The following TNR variants were observed in gnomAD, a reference collection of about 807,000 sequenced individuals.
The protein encoded by TNR is tenascin-R.
A neutral mutation model predicts 150.4 loss-of-function variants in TNR; 45 were observed. That is an observed-to-expected ratio of 0.30 (90% CI 0.24 to 0.38). TNR has a LOEUF of 0.38. TNR is among the 10% of genes least tolerant of loss of function. TNR has a pLI of 1.00. For missense variants in TNR, 1,544 were observed against 1,759.1 expected (o/e 0.88, Z 2.19); for synonymous variants, 687 against 678.4 (o/e 1.01, Z -0.20).
intron 3 of TNR, among the ~76,000 whole-genome samples, chr1:175,405,618 AGTGTGT>A (rs60670165): frequency 0.25 from 37,442 of 150,076 alleles, 6,051 homozygotes; most frequent in African/African-American, 0.46. Flanking sequence ...TGTGTGTGAG[AGTGTGT>A]GTGTGTGTGT....
intron 18 of TNR, among the ~76,000 whole-genome samples, chr1:175,339,117 T>C (rs1217141287): frequency 6.6e-6 from 1 of 152,200 alleles, no homozygotes; most frequent in Non-Finnish European, 1.5e-5. Context: ...GATATACTTA[T>C]TTTACAGAGA....
intron 9 of TNR, among the ~76,000 whole-genome samples, chr1:175,375,485 A>G (rs1652332390): frequency 6.8e-6 from 1 of 147,134 alleles, no homozygotes. Flanking sequence ...ATGGGGGGGG[A>G]GTGTTTGAAT....
intron 1 of TNR, among the ~76,000 whole-genome samples, chr1:175,621,177 G>A (rs1190519751): frequency 1.3e-5 from 2 of 152,144 alleles, no homozygotes; most frequent in Non-Finnish European, 2.9e-5. Context: ...AACATGTATT[G>A]TGACCAACTG....
At chr1:175,687,342 TC>T (rs1409030742) in intron 1 of TNR, among the ~76,000 whole-genome samples, 2 of 152,272 alleles carry the variant, frequency 1.3e-5, no homozygotes, top group African/African-American at 4.8e-5. Context: ...CTAAGACACC[TC>T]TGCTTACTCT....
chr1:175,411,360 T>C (rs1282659410), intron 2 of TNR, among the ~76,000 whole-genome samples: 1 of 152,282 alleles, frequency 6.6e-6, no homozygotes, highest in Non-Finnish European at 1.5e-5. Context: ...TATAAATTCT[T>C]GGTCTTAGTG....
At chr1:175,628,557 G>A (rs763528507) in intron 1 of TNR, among the ~76,000 whole-genome samples, 2 of 150,770 alleles carry the variant, frequency 1.3e-5, no homozygotes, top group Non-Finnish European at 3.0e-5. Context: ...CTTTTTTTGC[G>A]CCATTGTTAA....
chr1:175,409,186 A>G (rs1315214329), intron 2 of TNR, among the ~76,000 whole-genome samples: 4 of 152,180 alleles, frequency 2.6e-5, no homozygotes, highest in Non-Finnish European at 2.9e-5. Flanking sequence ...TTACACACAG[A>G]CGGGGTCTTG....
chr1:175,679,735 G>A (rs1032297597), intron 1 of TNR, among the ~76,000 whole-genome samples: 1 of 152,192 alleles, frequency 6.6e-6, no homozygotes, highest in South Asian at 2.1e-4. Context: ...AGCCTGCGTG[G>A]CTCCCTGCTA....
chr1:175,424,193 C>G (rs909111673), intron 2 of TNR, among the ~76,000 whole-genome samples: 5 of 152,204 alleles, frequency 3.3e-5, no homozygotes, highest in Admixed American at 3.3e-4. Context: ...CTTGGTCTTG[C>G]TATCTCCGGG....
chr1:175,574,131 G>A (rs1458201522), intron 1 of TNR, among the ~76,000 whole-genome samples: 1 of 152,066 alleles, frequency 6.6e-6, no homozygotes, highest in African/African-American at 2.4e-5. Flanking sequence ...CTCTGTCAGG[G>A]ATCCTAAACC....
intron 18 of TNR, among the ~76,000 whole-genome samples, chr1:175,343,335 C>T (rs998227435): frequency 6.6e-6 from 1 of 152,078 alleles, no homozygotes; most frequent in South Asian, 2.1e-4. Context: ...AGTAATTACT[C>T]GTCCCTAGGC....
At chr1:175,685,656 C>T (rs1190219045) in intron 1 of TNR, among the ~76,000 whole-genome samples, 1 of 152,108 alleles carries the variant, frequency 6.6e-6, no homozygotes, top group Non-Finnish European at 1.5e-5. Flanking sequence ...AGTCTATACC[C>T]TGGGATTAGA....
chr1:175,528,240 A>T (rs1292887084), intron 2 of TNR, 29 bp downstream of exon 2: 4 of 152,228 alleles, frequency 2.6e-5, no homozygotes, highest in Admixed American at 2.0e-4. Context: ...CATGGGAATG[A>T]TGAATGATCA....
chr1:175,549,844 A>T (rs79541623), intron 1 of TNR, among the ~76,000 whole-genome samples: 1 of 152,162 alleles, frequency 6.6e-6, no homozygotes. Context: ...TCAAGCTTTC[A>T]CATGAGGGTG....
rs376597060 is a variant in TNR at position 175,671,911 on chromosome 1, C to CTGTGTGTATGTGTG, written c.-165+71314_-165+71315insCACACATACACACA. Among the ~76,000 whole-genome samples, 652 of 142,128 alleles carry CTGTGTGTATGTGTG rather than the reference C, an allele frequency of 4.6e-3. 4 individuals are homozygous for CTGTGTGTATGTGTG. The highest frequency in any genetic ancestry group is 6.9e-3 in the Non-Finnish European group (451 of 65,278). The allele number at this position is 142,128 out of a possible 152,430, so 93.2% of individuals were successfully genotyped here. A position where few individuals can be genotyped will look rare whatever the true frequency, so the allele number is the denominator to read the frequency against. ...TCCAAGGGAGTCTTATGAGCTGTAC[C>CTGTGTGTATGTGTG]TGTGTGTGTGTGTGTGTGTGTGTGT... is the stretch of plus-strand genomic sequence containing the variant. On this transcript the variant is annotated intron_variant, in intron 1 of 22. Coordinates refer to ENST00000367674, the MANE Select transcript of TNR (RefSeq NM_003285.3).
intron 1 of TNR, among the ~76,000 whole-genome samples, chr1:175,583,049 T>A (rs763669240): frequency 6.6e-6 from 1 of 152,100 alleles, no homozygotes; most frequent in Non-Finnish European, 1.5e-5. Flanking sequence ...TACCTTTTTG[T>A]TTATTACAAA....
chr1:175,341,149 C>T (rs1197914281), intron 18 of TNR, among the ~76,000 whole-genome samples: 3 of 152,146 alleles, frequency 2.0e-5, no homozygotes, highest in Admixed American at 6.5e-5. Context: ...AGGAGACTGT[C>T]AGGGCAAATT....
chr1:175,470,838 A>C (rs1363519355), intron 2 of TNR, among the ~76,000 whole-genome samples: 1 of 152,188 alleles, frequency 6.6e-6, no homozygotes, highest in Non-Finnish European at 1.5e-5. Context: ...CCTGACATTC[A>C]GTGGCCATGT....
intron 2 of TNR, among the ~76,000 whole-genome samples, chr1:175,527,935 C>T (rs1371776540): frequency 6.6e-6 from 1 of 152,136 alleles, no homozygotes; most frequent in Non-Finnish European, 1.5e-5. Flanking sequence ...TTCATGCGGG[C>T]CCAGTGCAGG....
Sources: gnomAD v4.1 joint callset for allele counts (sites outside exome capture counted in the v4.1 genomes callset) on GRCh38, gnomAD v4.1.1 for gene constraint, MANE v1.5 for transcripts, NCBI Gene and HGNC (gene_info 2026-07-23, HGNC 2026-07-21) for gene names.